WDR17: variants seen among roughly 807,000 people sequenced by gnomAD.
WDR17 encodes the protein WD repeat domain 17.
A neutral mutation model predicts 161.7 loss-of-function variants in WDR17; 143 were observed. The observed-to-expected ratio is 0.88, with a 90% CI of 0.77 to 1.02. The LOEUF (loss-of-function observed/expected upper bound fraction) is 1.02, where lower values mean the gene tolerates loss of function less well. Among genes scored for constraint, WDR17 ranks in the 50% least tolerant of loss-of-function variants. The pLI is 0.00. For synonymous variants in WDR17, 517 were observed against 515.6 expected (o/e 1.00, Z -0.04); for missense variants, 1,469 against 1,520.9 (o/e 0.97, Z 0.57).
At chr4:176,107,973 C>T (rs550053232) in intron 1 of WDR17, among the ~76,000 whole-genome samples, 1 of 147,164 alleles carries the variant, frequency 6.8e-6, no homozygotes, top group South Asian at 2.1e-4. Context: ...CCCTTCCTTC[C>T]TTCCTTCTTT....
intron 1 of WDR17, among the ~76,000 whole-genome samples, chr4:176,095,353 A>T (rs1307946139): frequency 1.3e-5 from 2 of 152,190 alleles, no homozygotes; most frequent in African/African-American, 4.8e-5. Flanking sequence ...AGATTTTGCC[A>T]GTCCTGGAGC....
chr4:176,174,130 A>G (rs1751131045), intron 25 of WDR17, among the ~76,000 whole-genome samples: 1 of 152,084 alleles, frequency 6.6e-6, no homozygotes, highest in Non-Finnish European at 1.5e-5. Flanking sequence ...TTATCTATAT[A>G]ACTAAAGCCC....
intron 11 of WDR17, among the ~76,000 whole-genome samples, chr4:176,144,846 G>A (rs1196967225): frequency 6.6e-6 from 1 of 151,754 alleles, no homozygotes; most frequent in African/African-American, 2.4e-5. Flanking sequence ...AAATCTTTAT[G>A]ATATCATTTC....
intron 1 of WDR17, among the ~76,000 whole-genome samples, chr4:176,073,230 A>G (rs1733470591): frequency 6.6e-6 from 1 of 152,012 alleles, no homozygotes; most frequent in Non-Finnish European, 1.5e-5. Flanking sequence ...CATTAGGTAT[A>G]TCTCCTAATG....
intron 2 of WDR17, among the ~76,000 whole-genome samples, chr4:176,112,409 A>G (rs1209267592): frequency 3.9e-5 from 6 of 152,198 alleles, no homozygotes; most frequent in Non-Finnish European, 5.9e-5. Flanking sequence ...TCTAAATTTT[A>G]AAGCTTTCAG....
rs984782538 is a variant in WDR17, at chr4:176,182,671, T to G, written c.*3092T>G. 4.6e-5 allele frequency: 7 copies of G among 152,162 alleles called. No homozygotes were observed. Among genetic ancestry groups the G allele is most frequent in the African/African-American group, 1.7e-4 (7 of 41,446 alleles). 9.4% of individuals were successfully genotyped at this position (152,162 alleles called of 1,614,324 possible). On this transcript the variant is annotated 3_prime_UTR_variant, in exon 29 of 29. Coordinates refer to ENST00000508596, the MANE Select transcript of WDR17 (RefSeq NM_181265.4). This position sits in a 1 kb window ranked among gnomAD's most constrained non-coding sequence, Gnocchi z 4.2. Reference sequence around the variant, plus strand: ...CTTATTGTACCAAATCTTTGAGATATTTGTACATAAATGAAATATGTACTT... The same window carrying G: ...CTTATTGTACCAAATCTTTGAGATAGTTGTACATAAATGAAATATGTACTT...
At chr4:176,136,295 C>T (rs73020023) in intron 8 of WDR17, among the ~76,000 whole-genome samples, 1 of 151,620 alleles carries the variant, frequency 6.6e-6, no homozygotes, top group Non-Finnish European at 1.5e-5. Context: ...TTGCAGTATG[C>T]ACCTCCACTG....
Position 176,181,001 on chromosome 4 carries a change from A to G in WDR17, c.*1422A>G, listed in dbSNP as rs996142968. 1 of 152,160 alleles carries G rather than the reference A, an allele frequency of 6.6e-6. No homozygotes were observed. Among genetic ancestry groups the G allele is most frequent in the Admixed American group, 6.5e-5 (1 of 15,280 alleles). 9.4% of individuals were successfully genotyped at this position (152,160 alleles called of 1,614,324 possible). ...GATGGTTTTGTTTGACTAAAGAATA[A>G]TCTCATATAACTAGAATACTTGTGG... On this transcript the variant is annotated 3_prime_UTR_variant, in exon 29 of 29. Transcript: ENST00000508596.
chr4:176,109,612 A>C (rs1425664077), intron 1 of WDR17, among the ~76,000 whole-genome samples: 1 of 152,236 alleles, frequency 6.6e-6, no homozygotes, highest in Non-Finnish European at 1.5e-5. Flanking sequence ...CAGAAGTGGA[A>C]ATATGAAATA....
At chr4:176,078,877 G>A (rs111704299) in intron 1 of WDR17, among the ~76,000 whole-genome samples, 1 of 151,842 alleles carries the variant, frequency 6.6e-6, no homozygotes, top group Non-Finnish European at 1.5e-5. Flanking sequence ...CTTGTATTGG[G>A]AGCATTCAAA....
chr4:176,112,240 T>C (rs1299729670), intron 2 of WDR17, among the ~76,000 whole-genome samples: 2 of 152,174 alleles, frequency 1.3e-5, no homozygotes, highest in African/African-American at 4.8e-5. Context: ...GACTCCCTCT[T>C]CCACTCACAT....
intron 10 of WDR17, among the ~76,000 whole-genome samples, chr4:176,140,435 A>G (rs1332853460): frequency 6.6e-6 from 1 of 152,142 alleles, no homozygotes; most frequent in Non-Finnish European, 1.5e-5. Context: ...AAAGTCATGC[A>G]TGTGGGAAAT....
intron 18 of WDR17, among the ~76,000 whole-genome samples, chr4:176,157,235 G>A (rs1480781399): frequency 6.6e-6 from 1 of 151,952 alleles, no homozygotes. Context: ...TAATCTTATA[G>A]AGTACTATAT....
At chr4:176,140,813 A>ATT (rs562092454) in intron 10 of WDR17, among the ~76,000 whole-genome samples, 5 of 151,592 alleles carry the variant, frequency 3.3e-5, no homozygotes, top group African/African-American at 9.7e-5. Flanking sequence ...AATATTAGTG[A>ATT]TTTTTTTTTC....
chr4:176,120,556 G>A (rs1295346543), intron 4 of WDR17, among the ~76,000 whole-genome samples: 1 of 151,648 alleles, frequency 6.6e-6, no homozygotes, highest in Non-Finnish European at 1.5e-5. Flanking sequence ...TTTGAAACTG[G>A]CATAAAAGAA....
intron 4 of WDR17, among the ~76,000 whole-genome samples, chr4:176,121,050 A>T (rs1243795274): frequency 6.6e-6 from 1 of 152,150 alleles, no homozygotes; most frequent in Non-Finnish European, 1.5e-5. Context: ...AAATGTTCAT[A>T]TGCTTCTTCC....
At chr4:176,092,669 A>C (rs1306971649) in intron 1 of WDR17, among the ~76,000 whole-genome samples, 1 of 152,196 alleles carries the variant, frequency 6.6e-6, no homozygotes, top group Non-Finnish European at 1.5e-5. Context: ...AGAACTGATA[A>C]ATTCAGTAAA....
intron 23 of WDR17, among the ~76,000 whole-genome samples, chr4:176,170,884 A>G (rs1365531778): frequency 6.6e-6 from 1 of 152,202 alleles, no homozygotes; most frequent in Non-Finnish European, 1.5e-5. Context: ...AATCTATCAT[A>G]AGTCAAAAAT....
chr4:176,096,106 T>A (rs1411718878), intron 1 of WDR17, among the ~76,000 whole-genome samples: 1 of 152,060 alleles, frequency 6.6e-6, no homozygotes, highest in Non-Finnish European at 1.5e-5. Flanking sequence ...AAAGCTTCAG[T>A]TCCTGAGGTT....
Sources: allele counts gnomAD v4.1 joint callset (sites outside exome capture counted in the v4.1 genomes callset), GRCh38; gene constraint gnomAD v4.1.1; non-coding constraint Gnocchi (gnomAD v3.1); transcripts MANE v1.5; gene names NCBI Gene and HGNC (gene_info 2026-07-23, HGNC 2026-07-21).